Variants in UNC13C observed in about 807,000 individuals in gnomAD.
UNC13C encodes the protein unc-13 homolog C, also known as protein unc-13 homolog C.
UNC13C carries 174 observed loss-of-function variants against 245.4 expected under a neutral mutation model. That is an observed-to-expected ratio of 0.71 (90% CI 0.63 to 0.80). UNC13C has a LOEUF of 0.80. UNC13C is among the 30% of genes least tolerant of loss of function. The pLI, the probability that UNC13C is intolerant of heterozygous loss-of-function variation, is 0.00. For missense variants in UNC13C, 2,829 were observed against 2,602.9 expected, an observed-to-expected ratio of 1.09 and a Z score of -1.89; for synonymous variants, 992 against 895.1, an observed-to-expected ratio of 1.11 and a Z score of -1.93.
Position 54,389,068 on chromosome 15 carries a change from A to G in UNC13C, c.4714-3980A>G, listed in dbSNP as rs541534090. Among the ~76,000 whole-genome samples the G allele has an allele frequency of 1.1e-4, 16 of 152,178 alleles. No individual in the cohort carries two copies. In the South Asian group the frequency reaches 2.9e-3, roughly 28 times the overall value. ...ATGGTCCTTATCATGTTTGGTTTCA[A>G]TGCAAACTCCCTGACATGACACACA... On this transcript the variant is annotated intron_variant, in intron 17 of 32. Coordinates refer to ENST00000260323, the MANE Select transcript of UNC13C (RefSeq NM_001080534.3).
chr15:54,454,173 G>A (rs1358677277), intron 19 of UNC13C, among the ~76,000 whole-genome samples: 1 of 151,964 alleles, frequency 6.6e-6, no homozygotes, highest in Non-Finnish European at 1.5e-5. Context: ...ATTAATATGT[G>A]TGCAAATCAG....
intron 2 of UNC13C, among the ~76,000 whole-genome samples, chr15:54,131,334 A>C (rs2141214680): frequency 6.6e-6 from 1 of 152,286 alleles, no homozygotes; most frequent in East Asian, 1.9e-4. Flanking sequence ...TTGCTTGAAA[A>C]TATTGTGTGA....
chr15:54,142,778 T>G (rs1400777138), intron 2 of UNC13C, among the ~76,000 whole-genome samples: 1 of 152,204 alleles, frequency 6.6e-6, no homozygotes, highest in Admixed American at 6.5e-5. Context: ...TATAACACAT[T>G]GTCTTTCATT....
intron 26 of UNC13C, among the ~76,000 whole-genome samples, chr15:54,546,297 C>T (rs1896478592): frequency 6.6e-6 from 1 of 152,154 alleles, no homozygotes; most frequent in South Asian, 2.1e-4. Flanking sequence ...GGGAGGGGAA[C>T]ATCACACACC....
At chr15:54,031,527 C>G (rs991219976) in intron 2 of UNC13C, among the ~76,000 whole-genome samples, 2 of 152,198 alleles carry the variant, frequency 1.3e-5, no homozygotes, top group Non-Finnish European at 2.9e-5. Context: ...ACACATCAGG[C>G]TGGGCTTGAA....
chr15:54,168,223 C>T (rs951067078), intron 4 of UNC13C, among the ~76,000 whole-genome samples: 6 of 152,062 alleles, frequency 3.9e-5, no homozygotes, highest in East Asian at 1.9e-4. Flanking sequence ...AGTCAGTTCC[C>T]ATGTTGTCTT....
At chr15:54,112,207 T>C (rs1900815100) in intron 2 of UNC13C, among the ~76,000 whole-genome samples, 1 of 152,188 alleles carries the variant, frequency 6.6e-6, no homozygotes, top group African/African-American at 2.4e-5. Flanking sequence ...CGTTGCCTCA[T>C]GCCAAGGAAA....
chr15:53,938,428 C>G, the UNC13C span, among the ~76,000 whole-genome samples: 1 of 151,902 alleles, frequency 6.6e-6, no homozygotes, highest in Non-Finnish European at 1.5e-5. Flanking sequence ...TAACACCTCA[C>G]TGACAATACT....
Position 54,373,628 on chromosome 15 carries a change from A to C in UNC13C, c.4714-19420A>C, listed in dbSNP as rs959620549. 2.0e-5 allele frequency among the ~76,000 whole-genome samples: 3 copies of C among 152,206 alleles called. No homozygotes were observed. In the East Asian group the frequency reaches 5.8e-4, roughly 29 times the overall value. On this transcript the variant is annotated intron_variant, in intron 17 of 32. Coordinates refer to ENST00000260323, the MANE Select transcript of UNC13C (RefSeq NM_001080534.3). ...GTGCCTGGAAGTCTGGAACACCAGGAACCATAGAGTCCCAAAGAAGGTGTC... is the reference window on the plus strand; with the variant it reads ...GTGCCTGGAAGTCTGGAACACCAGGCACCATAGAGTCCCAAAGAAGGTGTC...
At chr15:53,873,490 G>A in the UNC13C span, among the ~76,000 whole-genome samples, 3 of 152,166 alleles carry the variant, frequency 2.0e-5, no homozygotes, top group African/African-American at 7.2e-5. Context: ...GAGCTTGGGA[G>A]CTGCTCCACA....
chr15:54,439,160 A>C (rs1174742549), intron 19 of UNC13C, among the ~76,000 whole-genome samples: 2 of 151,922 alleles, frequency 1.3e-5, no homozygotes, highest in South Asian at 2.1e-4. Context: ...TCTCTCTCAC[A>C]ATCTCTGTTA....
chr15:54,629,847 A>C (rs1901413614), downstream of UNC13C: 1 of 152,184 alleles, frequency 6.6e-6, no homozygotes, highest in Non-Finnish European at 1.5e-5. Context: ...AATGTATACA[A>C]TATATATCAA....
the UNC13C span, among the ~76,000 whole-genome samples, chr15:53,897,921 T>C: frequency 2.0e-5 from 3 of 152,226 alleles, no homozygotes; most frequent in Admixed American, 1.3e-4. Context: ...GGGATTAATG[T>C]TGTACTTTGA....
chr15:54,273,683 G>T (rs915605333), intron 10 of UNC13C, among the ~76,000 whole-genome samples: 5 of 152,272 alleles, frequency 3.3e-5, no homozygotes, highest in Middle Eastern at 3.4e-3. Flanking sequence ...TCATTTGTGG[G>T]TTGAAGCAAT....
chr15:54,189,517 C>T (rs1320723943), intron 4 of UNC13C, among the ~76,000 whole-genome samples: 1 of 151,906 alleles, frequency 6.6e-6, no homozygotes, highest in African/African-American at 2.4e-5. Context: ...AAACTTGGAG[C>T]ATATTAGAGT....
At chr15:54,511,230 C>G (rs1454740889) in intron 23 of UNC13C, among the ~76,000 whole-genome samples, 1 of 151,964 alleles carries the variant, frequency 6.6e-6, no homozygotes, top group East Asian at 1.9e-4. Flanking sequence ...GTCAAATAAG[C>G]AAGTAGGAAA....
chr15:53,898,007 C>T, the UNC13C span, among the ~76,000 whole-genome samples: 1 of 152,230 alleles, frequency 6.6e-6, no homozygotes, highest in East Asian at 1.9e-4. Flanking sequence ...AAAAACCTTG[C>T]TGAGCACTGG....
At chr15:54,103,727 C>T (rs1054542140) in intron 2 of UNC13C, among the ~76,000 whole-genome samples, 3 of 152,026 alleles carry the variant, frequency 2.0e-5, no homozygotes, top group Non-Finnish European at 2.9e-5. Context: ...TTTCCAAACA[C>T]ATAGATCTTT....
chr15:53,946,747 A>G, the UNC13C span, among the ~76,000 whole-genome samples: 3 of 144,440 alleles, frequency 2.1e-5, no homozygotes, highest in African/African-American at 7.7e-5. Context: ...GTGTCTATTG[A>G]GATAATCATG....
Sources: gnomAD v4.1 joint callset for allele counts (sites outside exome capture counted in the v4.1 genomes callset) on GRCh38, gnomAD v4.1.1 for gene constraint, MANE v1.5 for transcripts, NCBI Gene and HGNC (gene_info 2026-07-23, HGNC 2026-07-21) for gene names.